Variants in PAM observed in about 807,000 individuals in gnomAD.
PAM encodes peptidyl-glycine alpha-amidating monooxygenase.
PAM carries 72 observed loss-of-function variants against 122.1 expected under a neutral mutation model. That is an observed-to-expected ratio of 0.59 (90% CI 0.49 to 0.72). The LOEUF (loss-of-function observed/expected upper bound fraction) is 0.72, where lower values mean the gene tolerates loss of function less well. PAM is among the 30% of genes least tolerant of loss of function. The pLI is 0.00. For missense variants in PAM, 1,106 were observed against 1,183.7 expected (o/e 0.93, Z 0.96); for synonymous variants, 389 against 404.4 (o/e 0.96, Z 0.46).
intron 5 of PAM, among the ~76,000 whole-genome samples, chr5:102,917,198 C>T (rs1015769058): frequency 2.6e-5 from 4 of 152,162 alleles, no homozygotes; most frequent in African/African-American, 9.7e-5. Flanking sequence ...GCCTCACAGG[C>T]TCAGCCCTGA....
intron 1 of PAM, among the ~76,000 whole-genome samples, chr5:102,822,919 C>T (rs569698975): frequency 5.3e-5 from 8 of 152,312 alleles, no homozygotes; most frequent in African/African-American, 4.8e-5. Flanking sequence ...CCTCCCCACT[C>T]ATCCCAGTCC....
Position 103,007,580 on chromosome 5 carries a change from C to G in PAM, c.2138C>G (p.Thr713Ser). ...RENGRIQCFKTDTKEFVREIK... is the reference protein window; with the variant it reads ...RENGRIQCFKSDTKEFVREIK... ...AATGGTCGGATCCAGTGTTTTAAAA[C>G]TGACACCAAAGAATTTGTGAGAGAG... The change falls in exon 20 of 26, where the codon ACT (threonine) becomes AGT (serine). Residue 713 changes from threonine (T) to serine (S), a missense_variant. Coordinates refer to ENST00000438793, the MANE Select transcript of PAM (RefSeq NM_001177306.2). 1 of 1,613,852 alleles carries G rather than the reference C, an allele frequency of 6.2e-7. No homozygotes were observed. Among genetic ancestry groups the G allele is most frequent in the Non-Finnish European group, 8.5e-7 (1 of 1,179,814 alleles).
intron 3 of PAM, among the ~76,000 whole-genome samples, chr5:102,891,863 A>T (rs997560769): frequency 3.3e-5 from 5 of 151,842 alleles, no homozygotes; most frequent in Non-Finnish European, 5.9e-5. Context: ...GTTACCTGAA[A>T]ATTATCTACT....
intron 7 of PAM, among the ~76,000 whole-genome samples, chr5:102,941,733 A>G (rs1268295620): frequency 6.6e-6 from 1 of 151,824 alleles, no homozygotes; most frequent in East Asian, 1.9e-4. Context: ...CTAATTTAAA[A>G]AAACTTTAAT....
At chr5:103,021,647 A>G (rs1245483309) in intron 23 of PAM, among the ~76,000 whole-genome samples, 2 of 152,192 alleles carry the variant, frequency 1.3e-5, no homozygotes, top group Non-Finnish European at 2.9e-5. Context: ...CAGTTTTAAT[A>G]GTTAACCCAA....
intron 1 of PAM, chr5:102,837,664 A>T (rs923805736): frequency 1.3e-5 from 2 of 152,348 alleles, no homozygotes; most frequent in East Asian, 3.9e-4. Flanking sequence ...CTCTTTCACT[A>T]TTTATATTTT....
intron 16 of PAM, among the ~76,000 whole-genome samples, chr5:102,998,066 T>C (rs567954994): frequency 6.6e-6 from 1 of 152,306 alleles, no homozygotes; most frequent in South Asian, 2.1e-4. Flanking sequence ...TATTTGAGCA[T>C]CTAGAGAAAT....
At chr5:103,007,699 A>C (rs750450447) in intron 20 of PAM, 42 bp downstream of exon 20, 6 of 1,238,424 alleles carry the variant, frequency 4.8e-6, no homozygotes, top group Non-Finnish European at 7.1e-6. Flanking sequence ...GTCCTACTGT[A>C]CTCTATCCTT....
intron 1 of PAM, among the ~76,000 whole-genome samples, chr5:102,757,509 C>G (rs1386953860): frequency 6.6e-6 from 1 of 152,142 alleles, no homozygotes; most frequent in Admixed American, 6.5e-5. Flanking sequence ...CTTAGGAAAA[C>G]ATTCTACACA....
chr5:102,994,928 C>T (rs73179821), intron 16 of PAM, among the ~76,000 whole-genome samples: 4,287 of 152,126 alleles, frequency 0.028, 193 homozygotes, highest in African/African-American at 0.098. Context: ...TTGCAAGTTT[C>T]GTTTGTAGAG....
intron 1 of PAM, among the ~76,000 whole-genome samples, chr5:102,797,710 A>C (rs1028345238): frequency 1.3e-5 from 2 of 152,208 alleles, no homozygotes; most frequent in South Asian, 2.1e-4. Context: ...AAGAATATTT[A>C]AGTATAATCA....
At chr5:102,927,341 T>A (rs1193639923) in intron 7 of PAM, among the ~76,000 whole-genome samples, 1 of 152,224 alleles carries the variant, frequency 6.6e-6, no homozygotes, top group Non-Finnish European at 1.5e-5. Flanking sequence ...GCTGCTGCAT[T>A]TAGTCAAACT....
intron 1 of PAM, among the ~76,000 whole-genome samples, chr5:102,827,023 A>G (rs1232103337): frequency 2.0e-5 from 3 of 152,212 alleles, no homozygotes; most frequent in African/African-American, 7.2e-5. Flanking sequence ...CTGTCTAAGT[A>G]TATTTGTTGA....
intron 14 of PAM, among the ~76,000 whole-genome samples, chr5:102,963,093 A>T (rs1354385614): frequency 6.6e-6 from 1 of 151,938 alleles, no homozygotes; most frequent in Non-Finnish European, 1.5e-5. Context: ...TGGGCCCATT[A>T]AAATGTCATC....
intron 1 of PAM, among the ~76,000 whole-genome samples, chr5:102,864,186 T>TA (rs34022235): frequency 0.016 from 1,890 of 119,534 alleles, 29 homozygotes; most frequent in African/African-American, 0.046. Context: ...ATATATATAT[T>TA]TTTTTTTTTT....
chr5:102,881,039 T>C (rs148343469), intron 3 of PAM, among the ~76,000 whole-genome samples: 3 of 151,550 alleles, frequency 2.0e-5, no homozygotes, highest in African/African-American at 7.3e-5. Flanking sequence ...TCTAGAAAAA[T>C]AACTGAAATT....
chr5:102,900,245 G>A (rs2151389420), intron 3 of PAM, among the ~76,000 whole-genome samples: 1 of 118,042 alleles, frequency 8.5e-6, no homozygotes, highest in East Asian at 2.5e-4. Flanking sequence ...GTCTCTTAAT[G>A]TGTGTGTGTG....
rs570001574 is a variant in PAM at position 102,916,747 on chromosome 5, T to A, written c.356+2726T>A. On this transcript the variant is annotated intron_variant, in intron 5 of 25. Transcript: ENST00000438793. ...TCATATATTTATTTTATATTCTTTTTTTTTTGACTGAGTCTCACTCAGTCA... is the reference window on the plus strand; with the variant it reads ...TCATATATTTATTTTATATTCTTTTATTTTTGACTGAGTCTCACTCAGTCA... Among the ~76,000 whole-genome samples, 12 of 148,334 alleles carry A rather than the reference T, an allele frequency of 8.1e-5. No individual in the cohort carries two copies. The South Asian group carries it at 2.3e-3, about 29-fold the overall frequency.
intron 14 of PAM, among the ~76,000 whole-genome samples, chr5:102,972,578 A>C (rs1171682005): frequency 6.6e-6 from 1 of 152,132 alleles, no homozygotes; most frequent in Non-Finnish European, 1.5e-5. Context: ...CTCCACTCCC[A>C]GCCTCAAGTT....
Sources: allele counts gnomAD v4.1 joint callset (sites outside exome capture counted in the v4.1 genomes callset), GRCh38; gene constraint gnomAD v4.1.1; transcripts MANE v1.5; gene names NCBI Gene and HGNC (gene_info 2026-07-23, HGNC 2026-07-21).